The following PUS7 variants were observed in gnomAD, a reference collection of about 807,000 sequenced individuals.
PUS7 encodes pseudouridylate synthase 7 homolog.
PUS7 carries 48 observed loss-of-function variants against 79.8 expected under a neutral mutation model. The ratio of observed to expected loss-of-function variants is 0.60; its 90% CI spans 0.48 to 0.76. The LOEUF is 0.76. Among genes scored for constraint, PUS7 ranks in the 30% least tolerant of loss-of-function variants. PUS7 has a pLI of 0.00. For missense variants in PUS7, 729 were observed against 797.6 expected, an observed-to-expected ratio of 0.91 and a Z score of 1.04; for synonymous variants, 286 against 272.2, an observed-to-expected ratio of 1.05 and a Z score of -0.50.
At chr7:105,491,744 G>A (rs1824789831) in intron 6 of PUS7, 127 bp from the exon 7 acceptor site, 1 of 619,206 alleles carries the variant, frequency 1.6e-6, no homozygotes, top group Non-Finnish European at 2.8e-6. Context: ...GAAGAATGAG[G>A]AGAAACTTTA....
intron 7 of PUS7, among the ~76,000 whole-genome samples, chr7:105,488,018 A>C (rs528913752): frequency 6.6e-6 from 1 of 152,270 alleles, no homozygotes; most frequent in South Asian, 2.1e-4. Context: ...TCCATTAAAC[A>C]AACTAAGGGT....
chr7:105,513,737 C>T (rs1408976343), intron 1 of PUS7, among the ~76,000 whole-genome samples: 3 of 144,456 alleles, frequency 2.1e-5, no homozygotes, highest in Non-Finnish European at 1.5e-5. Context: ...ACTCGGGAGG[C>T]TGAGGCAGGA....
At chr7:105,499,264 AT>A (rs1825156065) in intron 5 of PUS7, among the ~76,000 whole-genome samples, 5 of 152,158 alleles carry the variant, frequency 3.3e-5, no homozygotes, top group Admixed American at 1.3e-4. Context: ...CACTCTGATT[AT>A]TGGGATTCCC....
intron 7 of PUS7, among the ~76,000 whole-genome samples, chr7:105,488,446 T>C (rs1287179839): frequency 6.6e-6 from 1 of 152,036 alleles, no homozygotes; most frequent in African/African-American, 2.4e-5. Flanking sequence ...GACCAGCAGA[T>C]GGAAAGAAAA....
At position 105,466,557 on chromosome 7, in the gene PUS7, G is replaced by A. The variant is rs116217468; in HGVS notation, c.1526-1143C>T. Among the ~76,000 whole-genome samples the A allele has an allele frequency of 1.9e-3, 295 of 152,164 alleles. 1 individual carries two copies. The highest frequency in any genetic ancestry group is 6.6e-3 in the African/African-American group (275 of 41,498). ...TGTGAGCTACTGCACCAAATCTGAA[G>A]TAAAATTTTCAATGAAAATTTAAAA... On this transcript the variant is annotated intron_variant, in intron 12 of 15. Transcript: ENST00000469408.
chr7:105,484,337 A>G (rs1824452691), intron 7 of PUS7, among the ~76,000 whole-genome samples: 1 of 152,102 alleles, frequency 6.6e-6, no homozygotes. Flanking sequence ...TGTAGGGGCC[A>G]GGCACAGTGG....
At chr7:105,467,511 G>A (rs2697026) in intron 12 of PUS7, among the ~76,000 whole-genome samples, 4 of 151,100 alleles carry the variant, frequency 2.6e-5, no homozygotes, top group Non-Finnish European at 5.9e-5. Context: ...GGATGGTCTC[G>A]ATCTCCTGAC....
At chr7:105,476,942 G>C (rs1297955870) in intron 9 of PUS7, among the ~76,000 whole-genome samples, 1 of 152,146 alleles carries the variant, frequency 6.6e-6, no homozygotes, top group Non-Finnish European at 1.5e-5. Flanking sequence ...TTCTTTGGTT[G>C]TTGTTGAGTT....
rs550013145 is a variant in PUS7, at chr7:105,515,000, C to T, written c.-32-6456G>A. Among the ~76,000 whole-genome samples, 19 of 152,194 alleles carry T rather than the reference C, an allele frequency of 1.2e-4. No homozygotes were observed. The South Asian group carries it at 1.5e-3, about 12-fold the overall frequency. ...TAGTTGAGACTGGGTTACACTGTGTCAGCCAGGATGGTCTCGATCTCCTGA... is the reference window on the plus strand; with the variant it reads ...TAGTTGAGACTGGGTTACACTGTGTTAGCCAGGATGGTCTCGATCTCCTGA... On this transcript the variant is annotated intron_variant, in intron 1 of 15. Coordinates refer to ENST00000469408, the MANE Select transcript of PUS7 (RefSeq NM_019042.5).
Position 105,470,860 on chromosome 7 carries a change from A to G in PUS7, c.1238-12T>C. 7 of 1,570,114 alleles carry G rather than the reference A, an allele frequency of 4.5e-6. No individual in the cohort carries two copies. The highest frequency in any genetic ancestry group is 6.1e-6 in the Non-Finnish European group (7 of 1,151,122). On this transcript the variant is annotated splice_polypyrimidine_tract_variant and intron_variant, in intron 10 of 15. Coordinates refer to ENST00000469408, the MANE Select transcript of PUS7 (RefSeq NM_019042.5). ...GTAGCCCTTTTCAGCTGCGGGGGGA[A>G]AAAGCTAGGGTTAAATGACTTACCC... is the stretch of plus-strand genomic sequence containing the variant.
At chr7:105,496,374 C>T (rs1825038146) in intron 5 of PUS7, among the ~76,000 whole-genome samples, 1 of 151,844 alleles carries the variant, frequency 6.6e-6, no homozygotes, top group East Asian at 1.9e-4. Context: ...CAATAACATT[C>T]ATGAGTCCTG....
intron 5 of PUS7, among the ~76,000 whole-genome samples, chr7:105,496,727 G>A (rs1825051073): frequency 6.6e-6 from 1 of 150,634 alleles, no homozygotes; most frequent in Non-Finnish European, 1.5e-5. Flanking sequence ...CTTCCTTCTT[G>A]ATAAATATGT....
chr7:105,463,761 G>A (rs986043117), intron 13 of PUS7, among the ~76,000 whole-genome samples: 1 of 151,658 alleles, frequency 6.6e-6, no homozygotes, highest in African/African-American at 2.4e-5. Context: ...AATATGAGGT[G>A]TCATACATAT....
chr7:105,515,816 T>TTTATTTATTTATTTATTTA (rs1825873528), intron 1 of PUS7, among the ~76,000 whole-genome samples: 1 of 142,592 alleles, frequency 7.0e-6, no homozygotes, highest in African/African-American at 2.5e-5. Context: ...TATTTATTTA[T>TTTATTTATTTATTTATTTA]TTATTTATTT....
chr7:105,472,893 A>T (rs1648792963), intron 9 of PUS7, among the ~76,000 whole-genome samples: 1 of 150,040 alleles, frequency 6.7e-6, no homozygotes, highest in African/African-American at 2.5e-5. Context: ...AGCTGGGACT[A>T]CAGGCACCTG....
At chr7:105,496,300 ATG>A (rs1825034250) in intron 5 of PUS7, among the ~76,000 whole-genome samples, 3 of 150,060 alleles carry the variant, frequency 2.0e-5, no homozygotes, top group Admixed American at 6.7e-5. Flanking sequence ...GCTGCTCAAA[ATG>A]TTTTTTTTTA....
At chr7:105,490,242 T>G (rs1341491251) in intron 7 of PUS7, among the ~76,000 whole-genome samples, 2 of 152,160 alleles carry the variant, frequency 1.3e-5, no homozygotes, top group Non-Finnish European at 2.9e-5. Flanking sequence ...AATGTACAAG[T>G]TTTGACATGT....
chr7:105,473,415 A>ATT lies in PUS7; in HGVS notation c.1176-1224_1176-1223dup, dbSNP rs922271999. The stretch of plus-strand genomic sequence containing the variant: ...CAGGCTGAGTCAGCATGCCTGCCTA[A>ATT]TTTTTTTTTTTTTTTTTTTTTGAGA... On this transcript the variant is annotated intron_variant, in intron 9 of 15. Transcript: ENST00000469408. Among the ~76,000 whole-genome samples the ATT allele has an allele frequency of 1.9e-3, 240 of 123,580 alleles. 3 individuals carry two copies. The highest frequency in any genetic ancestry group is 4.4e-3 in the African/African-American group (139 of 31,260). 81.1% of individuals were successfully genotyped at this position (123,580 alleles called of 152,430 possible).
chr7:105,465,412 T>C lies in PUS7; in HGVS notation c.1528A>G (p.Thr510Ala), dbSNP rs1823598392. The C allele has an allele frequency of 6.2e-7, 1 of 1,600,938 alleles. No individual in the cohort carries two copies. The highest frequency in any genetic ancestry group is 8.5e-7 in the Non-Finnish European group (1 of 1,170,026). The change falls in exon 13 of 16, where the codon ACA (threonine) becomes GCA (alanine). Residue 510 changes from threonine (T) to alanine (A), a missense_variant and splice_region_variant. Physicochemically the swap from Thr to Ala is moderately conservative, Grantham distance 58. Transcript: ENST00000469408. Reference protein sequence around the residue: ...VPGDLVLKGATATYIEEDDVN... With the variant: ...VPGDLVLKGAAATYIEEDDVN... ...TCATCTTCCTCAATATAGGTGGCTG[T>C]GGCTGTAAATTCACAAGTGAACAAT...
Sources: allele counts gnomAD v4.1 joint callset (sites outside exome capture counted in the v4.1 genomes callset), GRCh38; gene constraint gnomAD v4.1.1; transcripts MANE v1.5; gene names NCBI Gene and HGNC (gene_info 2026-07-23, HGNC 2026-07-21).